Variants in PEX5L observed in about 807,000 individuals in gnomAD.
The protein encoded by PEX5L is peroxisomal biogenesis factor 5 like.
Under a neutral mutation model 84.0 loss-of-function variants are expected in PEX5L, and 30 were observed. The ratio of observed to expected loss-of-function variants is 0.36; its 90% CI spans 0.27 to 0.48. PEX5L has a LOEUF of 0.48. Among genes scored for constraint, PEX5L ranks in the 20% least tolerant of loss-of-function variants. PEX5L has a pLI of 0.99. For missense variants in PEX5L, 533 were observed against 754.6 expected (o/e 0.71, Z 3.44); for synonymous variants, 270 against 283.1 (o/e 0.95, Z 0.46).
In PEX5L at chr3:179,921,192, A is replaced by AT. The variant is rs554377692; in HGVS notation, c.94-22947dup. On this transcript the variant is annotated intron_variant, in intron 2 of 14. Coordinates refer to ENST00000467460, the MANE Select transcript of PEX5L (RefSeq NM_016559.3). ...TAAGGGAGGCATGGTAATAAATGGG[A>AT]TTTTTTAGGACTCTAGTCCTAAAAA... is the stretch of plus-strand genomic sequence containing the variant. 7.2e-5 allele frequency among the ~76,000 whole-genome samples: 11 copies of AT among 152,230 alleles called. No homozygotes were observed. In the East Asian group the frequency reaches 2.1e-3, roughly 29 times the overall value.
At chr3:179,817,837 G>A (rs1426670961) in intron 9 of PEX5L, among the ~76,000 whole-genome samples, 2 of 152,184 alleles carry the variant, frequency 1.3e-5, no homozygotes, top group Non-Finnish European at 2.9e-5. Context: ...GGGTTAGTGT[G>A]GGTATGGGGT....
intron 1 of PEX5L, among the ~76,000 whole-genome samples, chr3:180,024,842 T>A (rs1302966197): frequency 6.6e-6 from 1 of 152,144 alleles, no homozygotes; most frequent in Non-Finnish European, 1.5e-5. Flanking sequence ...CTCAGTTGTC[T>A]CAGGGGTGTG....
At position 179,919,476 on chromosome 3, in the gene PEX5L, C is replaced by T. The variant is rs73060737; in HGVS notation, c.94-21230G>A. ...CTCTTTCACAGGCATCGCTGGGTCA[C>T]GCTTGATGGAACTCTGGCTCCATTC... On this transcript the variant is annotated intron_variant, in intron 2 of 14. Transcript: ENST00000467460. 2.8e-3 allele frequency among the ~76,000 whole-genome samples: 427 copies of T among 152,246 alleles called. 4 individuals carry two copies. The highest frequency in any genetic ancestry group is 9.6e-3 in the African/African-American group (400 of 41,542).
intron 8 of PEX5L, among the ~76,000 whole-genome samples, chr3:179,829,007 G>A (rs1488589508): frequency 2.0e-5 from 3 of 152,150 alleles, no homozygotes; most frequent in Non-Finnish European, 4.4e-5. Context: ...GTGTGTTTTT[G>A]AGAAGAACAC....
At chr3:179,937,176 C>A (rs769151506) in intron 2 of PEX5L, among the ~76,000 whole-genome samples, 3 of 152,028 alleles carry the variant, frequency 2.0e-5, no homozygotes, top group Non-Finnish European at 2.9e-5. Flanking sequence ...ATGGAGTTTA[C>A]CATGTTACAA....
intron 5 of PEX5L, among the ~76,000 whole-genome samples, chr3:179,876,880 G>A (rs1408906356): frequency 6.6e-6 from 1 of 152,024 alleles, no homozygotes; most frequent in Non-Finnish European, 1.5e-5. Flanking sequence ...TTTCAAATTT[G>A]GGATTTTTTT....
At position 179,824,047 on chromosome 3, in the gene PEX5L, C is replaced by T. The variant is rs543228029; in HGVS notation, c.823-4071G>A. Among the ~76,000 whole-genome samples, 12 of 151,620 alleles carry T rather than the reference C, an allele frequency of 7.9e-5. No homozygotes were observed. The South Asian group carries it at 2.5e-3, about 32-fold the overall frequency. ...CAAAATTTTTTTATAAGAACCAGGGCAATATTAATTAAATATTAATTATAT... is the reference window on the plus strand; with the variant it reads ...CAAAATTTTTTTATAAGAACCAGGGTAATATTAATTAAATATTAATTATAT... On this transcript the variant is annotated intron_variant, in intron 8 of 14. Coordinates refer to ENST00000467460, the MANE Select transcript of PEX5L (RefSeq NM_016559.3).
At chr3:179,896,620 A>G (rs1393519158) in intron 3 of PEX5L, among the ~76,000 whole-genome samples, 1 of 152,176 alleles carries the variant, frequency 6.6e-6, no homozygotes, top group Non-Finnish European at 1.5e-5. Context: ...GATTTTGTGA[A>G]AAAAGAATCT....
At chr3:179,831,055 C>T (rs1317405100) in intron 8 of PEX5L, among the ~76,000 whole-genome samples, 2 of 152,078 alleles carry the variant, frequency 1.3e-5, no homozygotes, top group Non-Finnish European at 2.9e-5. Flanking sequence ...CGGTGGCTCA[C>T]GCCTGTAATC....
intron 8 of PEX5L, among the ~76,000 whole-genome samples, chr3:179,847,948 T>C (rs1740243077): frequency 6.6e-6 from 1 of 151,622 alleles, no homozygotes. Flanking sequence ...TTCTCCTGCC[T>C]TGGTGTTCCA....
chr3:179,805,268 CAACT>C (rs1560155362), intron 14 of PEX5L, among the ~76,000 whole-genome samples: 1 of 150,772 alleles, frequency 6.6e-6, no homozygotes, highest in African/African-American at 2.4e-5. Flanking sequence ...CCAAAGTAGC[CAACT>C]GAGTAGTGTT....
At chr3:179,855,703 C>T (rs759644087) in intron 8 of PEX5L, among the ~76,000 whole-genome samples, 10 of 152,108 alleles carry the variant, frequency 6.6e-5, no homozygotes, top group Non-Finnish European at 1.3e-4. Flanking sequence ...GAGGGCGGGG[C>T]TGTCATGAAT....
At chr3:179,857,573 T>C (rs974726853) in intron 8 of PEX5L, among the ~76,000 whole-genome samples, 10 of 152,236 alleles carry the variant, frequency 6.6e-5, no homozygotes, top group Non-Finnish European at 1.0e-4. Flanking sequence ...TGTGAATATA[T>C]GTATCTTGAT....
At chr3:179,884,922 GA>G (rs1042862008) in intron 4 of PEX5L, among the ~76,000 whole-genome samples, 2 of 151,742 alleles carry the variant, frequency 1.3e-5, no homozygotes, top group Admixed American at 6.6e-5. Context: ...GGTTCATAGA[GA>G]AAAAAAATCA....
intron 12 of PEX5L, 42 bp downstream of exon 12, chr3:179,809,428 AT>A: frequency 7.0e-7 from 1 of 1,428,098 alleles, no homozygotes; most frequent in South Asian, 1.1e-5. Flanking sequence ...TTCATTGTAT[AT>A]ATGGGTGTTT....
chr3:179,855,622 T>C (rs1313720899), intron 8 of PEX5L, among the ~76,000 whole-genome samples: 3 of 152,186 alleles, frequency 2.0e-5, no homozygotes, highest in Non-Finnish European at 4.4e-5. Context: ...TTCCCTCAAA[T>C]TCGTATGTTG....
intron 1 of PEX5L, among the ~76,000 whole-genome samples, chr3:179,995,876 G>A (rs1260497565): frequency 1.3e-5 from 2 of 152,192 alleles, no homozygotes; most frequent in South Asian, 2.1e-4. Flanking sequence ...ATGGGACCCT[G>A]CAACTTGGAA....
chr3:179,946,134 C>A (rs1777483279), intron 2 of PEX5L, among the ~76,000 whole-genome samples: 1 of 152,060 alleles, frequency 6.6e-6, no homozygotes, highest in Non-Finnish European at 1.5e-5. Flanking sequence ...GTGACCACCT[C>A]TACCATCCCC....
intron 2 of PEX5L, among the ~76,000 whole-genome samples, chr3:179,969,530 C>G (rs1784220718): frequency 6.6e-6 from 1 of 151,938 alleles, no homozygotes; most frequent in Non-Finnish European, 1.5e-5. Flanking sequence ...TTATAAAGAC[C>G]AATTACAGTG....
Sources: gnomAD v4.1 joint callset for allele counts (sites outside exome capture counted in the v4.1 genomes callset) on GRCh38, gnomAD v4.1.1 for gene constraint, MANE v1.5 for transcripts, NCBI Gene and HGNC (gene_info 2026-07-23, HGNC 2026-07-21) for gene names.